The following ARSB variants were observed in gnomAD, a reference collection of about 807,000 sequenced individuals.
ARSB encodes the protein arylsulfatase B.
A neutral mutation model predicts 50.9 loss-of-function variants in ARSB; 41 were observed. That is an observed-to-expected ratio of 0.81 (90% CI 0.63 to 1.04). ARSB has a LOEUF of 1.04. Ranked by LOEUF, ARSB falls within the 50% of genes least tolerant of loss-of-function variation. ARSB has a pLI of 0.00. For synonymous variants in ARSB, 269 were observed against 284.8 expected (o/e 0.94, Z 0.56); for missense variants, 672 against 693.3 (o/e 0.97, Z 0.35).
At chr5:78,938,781 G>C (rs943667277) in intron 4 of ARSB, among the ~76,000 whole-genome samples, 1 of 152,200 alleles carries the variant, frequency 6.6e-6, no homozygotes, top group African/African-American at 2.4e-5. Flanking sequence ...CTCCATTTGA[G>C]TATTAAATCA....
intron 4 of ARSB, among the ~76,000 whole-genome samples, chr5:78,949,849 G>A (rs974747692): frequency 1.3e-5 from 2 of 152,172 alleles, no homozygotes; most frequent in Non-Finnish European, 2.9e-5. Context: ...GGCAGTGATT[G>A]CAGCAAGCCA....
At chr5:78,842,305 A>G (rs1745258895) in intron 5 of ARSB, among the ~76,000 whole-genome samples, 1 of 152,096 alleles carries the variant, frequency 6.6e-6, no homozygotes, top group Non-Finnish European at 1.5e-5. Context: ...CTCAAAGCTA[A>G]CTCTGCAAGC....
chr5:78,946,377 G>A (rs1751231128), intron 4 of ARSB, among the ~76,000 whole-genome samples: 1 of 152,150 alleles, frequency 6.6e-6, no homozygotes, highest in Admixed American at 6.5e-5. Flanking sequence ...TATTAGGACT[G>A]ATAAGCAAAT....
intron 4 of ARSB, among the ~76,000 whole-genome samples, chr5:78,911,601 A>C (rs1299830414): frequency 1.7e-5 from 2 of 118,496 alleles, no homozygotes; most frequent in Admixed American, 1.9e-4. Flanking sequence ...AAAAAAAAAA[A>C]AAAAAAAAAA....
At chr5:78,848,407 T>C (rs1243322372) in intron 5 of ARSB, among the ~76,000 whole-genome samples, 1 of 149,118 alleles carries the variant, frequency 6.7e-6, no homozygotes, top group South Asian at 2.2e-4. Context: ...TCATTTTTTA[T>C]GGCTGCATAG....
chr5:78,951,211 T>G (rs890164375), intron 4 of ARSB, among the ~76,000 whole-genome samples: 2 of 152,150 alleles, frequency 1.3e-5, no homozygotes, highest in African/African-American at 4.8e-5. Context: ...AGACCCTATC[T>G]TTATTTTTTT....
intron 5 of ARSB, among the ~76,000 whole-genome samples, chr5:78,857,614 C>T (rs1026883071): frequency 6.6e-6 from 1 of 152,198 alleles, no homozygotes; most frequent in Admixed American, 6.5e-5. Flanking sequence ...AGGAACAAAG[C>T]AGAGCTCTCT....
intron 5 of ARSB, among the ~76,000 whole-genome samples, chr5:78,853,678 C>T (rs1388523189): frequency 1.3e-5 from 2 of 152,248 alleles, no homozygotes; most frequent in East Asian, 3.9e-4. Context: ...CCTACAGAGG[C>T]AGGCAGGCCT....
At chr5:78,798,235 A>T (rs1743247364) in intron 6 of ARSB, among the ~76,000 whole-genome samples, 1 of 152,244 alleles carries the variant, frequency 6.6e-6, no homozygotes, top group Non-Finnish European at 1.5e-5. Context: ...ACAGACAGCC[A>T]TCTCCAGTTC....
chr5:78,823,974 G>A (rs1744335377), intron 6 of ARSB, among the ~76,000 whole-genome samples: 1 of 152,228 alleles, frequency 6.6e-6, no homozygotes, highest in African/African-American at 2.4e-5. Flanking sequence ...ACAGTGGGGA[G>A]TGTTTGGGCC....
chr5:78,851,771 T>C (rs1304941635), intron 5 of ARSB, among the ~76,000 whole-genome samples: 3 of 152,248 alleles, frequency 2.0e-5, no homozygotes, highest in Non-Finnish European at 4.4e-5. Context: ...ATATTTAGGA[T>C]AGTTAGCTCT....
At chr5:78,794,127 A>G (rs893415275) in intron 6 of ARSB, among the ~76,000 whole-genome samples, 7 of 152,166 alleles carry the variant, frequency 4.6e-5, no homozygotes, top group African/African-American at 1.4e-4. Context: ...TGCTGGAATC[A>G]ATCTCATCCT....
chr5:78,847,456 T>C (rs567520097), intron 5 of ARSB, among the ~76,000 whole-genome samples: 99 of 152,272 alleles, frequency 6.5e-4, no homozygotes, highest in African/African-American at 2.3e-3. Flanking sequence ...TGTTGCTGGA[T>C]TCAGTTTGCT....
chr5:78,945,355 G>A (rs995595798), intron 4 of ARSB, among the ~76,000 whole-genome samples: 10 of 152,174 alleles, frequency 6.6e-5, no homozygotes, highest in Admixed American at 1.3e-4. Flanking sequence ...GAAATCATTC[G>A]TCTTCTGCGT....
intron 6 of ARSB, among the ~76,000 whole-genome samples, chr5:78,826,556 A>G: frequency 6.6e-6 from 1 of 152,182 alleles, no homozygotes; most frequent in South Asian, 2.1e-4. Flanking sequence ...GGCAGGGGGT[A>G]GCTACACAGT....
chr5:78,866,663 GAGATGC>G (rs1746758964), intron 5 of ARSB, among the ~76,000 whole-genome samples: 1 of 152,200 alleles, frequency 6.6e-6, no homozygotes, highest in Admixed American at 6.5e-5. Flanking sequence ...TTGGGCAGCT[GAGATGC>G]TGAGAGAGGA....
chr5:78,945,392 A>T (rs1751175183), intron 4 of ARSB, among the ~76,000 whole-genome samples: 1 of 152,124 alleles, frequency 6.6e-6, no homozygotes, highest in Non-Finnish European at 1.5e-5. Context: ...TGTAGACTGG[A>T]GCTGTTCCTA....
At chr5:78,849,187 T>C (rs1561456695) in intron 5 of ARSB, among the ~76,000 whole-genome samples, 1 of 152,108 alleles carries the variant, frequency 6.6e-6, no homozygotes, top group Non-Finnish European at 1.5e-5. Flanking sequence ...TCTCGGGTTT[T>C]TATGGTTTTA....
At chr5:78,922,426 C>T (rs1749861760) in intron 4 of ARSB, among the ~76,000 whole-genome samples, 1 of 151,760 alleles carries the variant, frequency 6.6e-6, no homozygotes, top group Admixed American at 6.6e-5. Context: ...TCCTGGAGGA[C>T]ATGTCTAGAT....
Sources: allele counts gnomAD v4.1 joint callset (sites outside exome capture counted in the v4.1 genomes callset), GRCh38; gene constraint gnomAD v4.1.1; transcripts MANE v1.5; gene names NCBI Gene and HGNC (gene_info 2026-07-23, HGNC 2026-07-21).